Variants in BIRC6 observed in about 807,000 individuals in gnomAD.
BIRC6 encodes dual E2 ubiquitin-conjugating enzyme/E3 ubiquitin-protein ligase BIRC6.
A neutral mutation model predicts 503.3 loss-of-function variants in BIRC6; 98 were observed. That is an observed-to-expected ratio of 0.19 (90% CI 0.17 to 0.23). The LOEUF (loss-of-function observed/expected upper bound fraction) is 0.23. BIRC6 is among the 10% of genes least tolerant of loss of function. The pLI is 1.00. For missense variants in BIRC6, 5,360 were observed against 5,806.0 expected (o/e 0.92, Z 2.50); for synonymous variants, 2,240 against 2,078.7 (o/e 1.08, Z -2.11).
At chr2:32,367,831 TC>T (rs1238357343) in intron 1 of BIRC6, among the ~76,000 whole-genome samples, 1 of 151,850 alleles carries the variant, frequency 6.6e-6, no homozygotes, top group East Asian at 1.9e-4. Flanking sequence ...GCCCCCACCT[TC>T]CCCCCAAAAG....
At chr2:32,516,063 C>G (rs1449680567) in intron 55 of BIRC6, among the ~76,000 whole-genome samples, 2 of 152,208 alleles carry the variant, frequency 1.3e-5, no homozygotes, top group East Asian at 3.8e-4. Flanking sequence ...AACATTTCAG[C>G]TGCTGGAACA....
chr2:32,542,788 T>C lies in BIRC6; in HGVS notation c.12292-453T>C, dbSNP rs1332167146. Among the ~76,000 whole-genome samples the C allele has an allele frequency of 2.0e-5, 3 of 152,184 alleles. No individual in the cohort carries two copies. The East Asian group carries it at 5.8e-4, about 29-fold the overall frequency. On this transcript the variant is annotated intron_variant, in intron 61 of 73. Transcript: ENST00000421745. ...ACTTCTGCTGTCATGTGCGTCTTGA[T>C]GTTTGGAAGCTTGTTTTTATTTTTA... is the stretch of plus-strand genomic sequence containing the variant.
Position 32,467,919 on chromosome 2 carries a change from G to A in BIRC6, c.5588G>A (p.Arg1863His), listed in dbSNP as rs776988218. Residue 1863 changes from arginine (R) to histidine (H), a missense_variant, in exon 28 of 74, where the codon CGT becomes CAT. Physicochemically the swap from Arg to His is conservative, Grantham distance 29. Transcript: ENST00000421745. Reference protein sequence around the residue: ...CRFMKITVIGRYGSTNARAKI... With the variant: ...CRFMKITVIGHYGSTNARAKI... ...TCATTTCAGATCACTGTTATTGGAC[G>A]TTACGGGAGTACAAATGCCAGAGCC... 2.5e-6 allele frequency: 4 copies of A among 1,612,388 alleles called. No homozygotes were observed. Among genetic ancestry groups the A allele is most frequent in the East Asian group, 2.2e-5 (1 of 44,852 alleles).
chr2:32,371,852 C>T (rs991438699), intron 1 of BIRC6, among the ~76,000 whole-genome samples: 1 of 152,114 alleles, frequency 6.6e-6, no homozygotes, highest in Non-Finnish European at 1.5e-5. Flanking sequence ...GTCACCCAGG[C>T]TAGAGTGCAA....
intron 55 of BIRC6, among the ~76,000 whole-genome samples, chr2:32,516,718 A>T (rs1267002431): frequency 1.3e-5 from 2 of 151,970 alleles, no homozygotes; most frequent in African/African-American, 4.8e-5. Context: ...TTAAATCCTG[A>T]AAGGTAGAAT....
intron 65 of BIRC6, among the ~76,000 whole-genome samples, chr2:32,571,564 C>T (rs2059919783): frequency 1.3e-5 from 2 of 151,340 alleles, no homozygotes; most frequent in South Asian, 4.2e-4. Flanking sequence ...CATAATAGTC[C>T]CTGATCTTTT....
intron 33 of BIRC6, 64 bp from the exon 34 acceptor site, chr2:32,476,149 G>C: frequency 3.3e-6 from 4 of 1,227,876 alleles, no homozygotes; most frequent in Non-Finnish European, 4.5e-6. Context: ...ATTCTGTGAG[G>C]AGTATAATAA....
At chr2:32,590,726 A>T in intron 66 of BIRC6, 3 of 940,422 alleles carry the variant, frequency 3.2e-6, no homozygotes, top group Non-Finnish European at 3.8e-6. Context: ...TTTAGTTGGA[A>T]TTCACAGCAT....
intron 1 of BIRC6, among the ~76,000 whole-genome samples, chr2:32,370,421 TAAG>T (rs2035763370): frequency 6.6e-6 from 1 of 152,192 alleles, no homozygotes; most frequent in Admixed American, 6.5e-5. Flanking sequence ...CTTCTGTGCT[TAAG>T]TAGATGTTGG....
chr2:32,485,795 A>G lies in BIRC6; in HGVS notation c.7813+36A>G, dbSNP rs762188672. The G allele has an allele frequency of 3.8e-6, 5 of 1,325,744 alleles. No homozygotes were observed. The Admixed American group carries it at 7.0e-5, about 19-fold the overall frequency. The allele number at this position is 1,325,744 out of a possible 1,614,324, so 82.1% of individuals were successfully genotyped here. On this transcript the variant is annotated intron_variant, in intron 40 of 73. Coordinates refer to ENST00000421745, the MANE Select transcript of BIRC6 (RefSeq NM_016252.4). ...TGACCATTTTTAGAGTATTGCAGTGAATGATTCAGCTCTTCATCATTTTCA... is the reference window on the plus strand; with the variant it reads ...TGACCATTTTTAGAGTATTGCAGTGGATGATTCAGCTCTTCATCATTTTCA...
rs1558944847 is a variant in BIRC6, at chr2:32,515,247, A to G, written c.10826A>G (p.His3609Arg). ...AQAPLALTESHLATLASSSQS... is the reference protein window; with the variant it reads ...AQAPLALTESRLATLASSSQS... ...GCACCTCTCGCATTAACTGAATCAC[A>G]TTTGGCTACCCTTGCTTCCTCTTCT... Residue 3609 changes from histidine (H) to arginine (R), a missense_variant, in exon 55 of 74, where the codon CAT (histidine) becomes CGT (arginine). Coordinates refer to ENST00000421745, the MANE Select transcript of BIRC6 (RefSeq NM_016252.4). 3.1e-6 allele frequency: 5 copies of G among 1,613,896 alleles called. No individual in the cohort carries two copies. The highest frequency in any genetic ancestry group is 4.2e-6 in the Non-Finnish European group (5 of 1,179,892).
At chr2:32,576,367 A>G (rs914035341) in intron 66 of BIRC6, among the ~76,000 whole-genome samples, 1 of 152,200 alleles carries the variant, frequency 6.6e-6, no homozygotes. Context: ...TAAATAACCT[A>G]GGAGACCTTT....
intron 4 of BIRC6, among the ~76,000 whole-genome samples, chr2:32,391,593 T>G (rs751903606): frequency 7.2e-5 from 11 of 152,258 alleles, no homozygotes; most frequent in Non-Finnish European, 1.5e-4. Context: ...GTTTTCTTTG[T>G]CATGACCTTT....
Position 32,430,981 on chromosome 2 carries a change from G to A in BIRC6, c.3139G>A (p.Val1047Ile). ...RFSATVPPCWVEVQQEQQQRR... is the reference protein window; with the variant it reads ...RFSATVPPCWIEVQQEQQQRR... ...TTCAGCGACTGTTCCTCCATGCTGG[G>A]TAGAAGTTCAACAAGAACAGCAGCA... is the stretch of plus-strand genomic sequence containing the variant. Residue 1047 changes from valine (V) to isoleucine (I), a missense_variant, in exon 12 of 74, where the codon GTA (valine) becomes ATA (isoleucine). Coordinates refer to ENST00000421745, the MANE Select transcript of BIRC6 (RefSeq NM_016252.4). 12 of 1,613,152 alleles carry A rather than the reference G, an allele frequency of 7.4e-6. No homozygotes were observed. The highest frequency in any genetic ancestry group is 1.0e-5 in the Non-Finnish European group (12 of 1,179,736).
At chr2:32,598,423 G>C (rs764792451) in intron 69 of BIRC6, among the ~76,000 whole-genome samples, 1 of 151,932 alleles carries the variant, frequency 6.6e-6, no homozygotes, top group Non-Finnish European at 1.5e-5. Context: ...ATGTTTTTTA[G>C]TGTCACTCTT....
chr2:32,586,059 G>T (rs2060999628), intron 66 of BIRC6, among the ~76,000 whole-genome samples: 1 of 152,090 alleles, frequency 6.6e-6, no homozygotes, highest in Non-Finnish European at 1.5e-5. Context: ...CAGTATTGAT[G>T]AAGAAAGATA....
chr2:32,525,322 A>C, intron 58 of BIRC6, 142 bp from the exon 59 acceptor site: 1 of 900,450 alleles, frequency 1.1e-6, no homozygotes, highest in Non-Finnish European at 1.7e-6. Context: ...GAATTGGGAG[A>C]TTAGATATTG....
intron 50 of BIRC6, among the ~76,000 whole-genome samples, chr2:32,507,346 C>G (rs763970760): frequency 6.6e-6 from 1 of 152,308 alleles, no homozygotes. Flanking sequence ...AGGAGAATCA[C>G]TTGAACCTGG....
At chr2:32,480,621 C>CTTTTGTTTTTTTTTTTTT (rs2050281992) in intron 37 of BIRC6, among the ~76,000 whole-genome samples, 1 of 60,724 alleles carries the variant, frequency 1.6e-5, no homozygotes, top group Non-Finnish European at 2.9e-5. Flanking sequence ...AGGTAAATGG[C>CTTTTGTTTTTTTTTTTTT]TTTTTTTTTT....
Sources: gnomAD v4.1 joint callset for allele counts (sites outside exome capture counted in the v4.1 genomes callset) on GRCh38, gnomAD v4.1.1 for gene constraint, MANE v1.5 for transcripts, NCBI Gene and HGNC (gene_info 2026-07-23, HGNC 2026-07-21) for gene names.